Variants in USP13 observed in about 807,000 individuals in gnomAD.
USP13 encodes the protein ubiquitin specific peptidase 13.
In USP13, 68 loss-of-function variants were observed where a neutral mutation model predicts 107.8. That is an observed-to-expected ratio of 0.63 (90% CI 0.52 to 0.77). The LOEUF is 0.77. USP13 is among the 30% of genes least tolerant of loss of function. The probability of loss-of-function intolerance (pLI) is 0.00; values close to 1 mark genes in which losing one functional copy is unlikely to be tolerated. For synonymous variants in USP13, 377 were observed against 389.5 expected, an observed-to-expected ratio of 0.97 and a Z score of 0.38; for missense variants, 945 against 1,093.3, an observed-to-expected ratio of 0.86 and a Z score of 1.91.
intron 7 of USP13, 32 bp downstream of exon 7, chr3:179,720,066 T>C: frequency 6.3e-7 from 1 of 1,576,238 alleles, no homozygotes; most frequent in Non-Finnish European, 8.7e-7. Context: ...GTTTCCATCT[T>C]GCATGGGGTA....
intron 13 of USP13, 131 bp downstream of exon 13, chr3:179,745,348 G>A: frequency 8.7e-7 from 1 of 1,143,004 alleles, no homozygotes; most frequent in Non-Finnish European, 1.2e-6. Context: ...ATGGGATTAT[G>A]GTTCACACAC....
intron 16 of USP13, among the ~76,000 whole-genome samples, chr3:179,760,830 A>T (rs1414057221): frequency 6.6e-6 from 1 of 152,174 alleles, no homozygotes; most frequent in African/African-American, 2.4e-5. Context: ...CGTTCTGGGA[A>T]TACACTAAAT....
intron 3 of USP13, among the ~76,000 whole-genome samples, chr3:179,694,337 A>G (rs1453262329): frequency 1.3e-5 from 2 of 152,130 alleles, no homozygotes; most frequent in Non-Finnish European, 2.9e-5. Flanking sequence ...ATGTTGGGAA[A>G]CAGTAAGTGT....
chr3:179,753,504 G>A (rs1226192998), intron 14 of USP13, among the ~76,000 whole-genome samples: 1 of 152,140 alleles, frequency 6.6e-6, no homozygotes, highest in Non-Finnish European at 1.5e-5. Flanking sequence ...TTTGTCCTTG[G>A]AATTTCTGTA....
Position 179,653,614 on chromosome 3 carries a change from G to T in USP13, c.168+221G>T, listed in dbSNP as rs1331813530. 5.1e-6 allele frequency: 3 copies of T among 591,868 alleles called. No individual in the cohort carries two copies. Among genetic ancestry groups the T allele is most frequent in the Non-Finnish European group, 8.5e-6 (3 of 351,544 alleles). 36.7% of individuals were successfully genotyped at this position (591,868 alleles called of 1,614,324 possible). A position where few individuals can be genotyped will look rare whatever the true frequency, so the allele number is the denominator to read the frequency against. ...TGGTTTTGCTCCGCCAGCCTCCCCAGGCTGGAAGGGCCCGATTCCCAGCAG... is the reference window on the plus strand; with the variant it reads ...TGGTTTTGCTCCGCCAGCCTCCCCATGCTGGAAGGGCCCGATTCCCAGCAG... On this transcript the variant is annotated intron_variant, in intron 1 of 20. Transcript: ENST00000263966. The surrounding 1 kb of genome is among the most constrained non-coding windows in gnomAD (Gnocchi z 4.0).
chr3:179,709,045 A>G (rs1439924809), intron 6 of USP13, 88 bp downstream of exon 6: 6 of 1,463,554 alleles, frequency 4.1e-6, no homozygotes, highest in South Asian at 4.1e-5. Flanking sequence ...TGGAAGGTGC[A>G]GGCTCTGGAT....
rs1333558391 is a variant in USP13 at position 179,754,782 on chromosome 3, A to AG, written c.1854dup (p.Leu619ValfsTer19). 1.2e-6 allele frequency: 2 copies of AG among 1,613,442 alleles called. No homozygotes were observed. Among genetic ancestry groups the AG allele is most frequent in the Non-Finnish European group, 1.7e-6 (2 of 1,179,790 alleles). On this transcript the variant is annotated frameshift_variant, in exon 15 of 21. Transcript: ENST00000263966. LOFTEE classifies it high-confidence loss of function. ...ACTTGATATCAACCATCTCCGAGCC[A>AG]GGGGGTTACAGCCAGGAGAGGAAGA...
At chr3:179,715,367 C>CTT (rs71182513) in intron 6 of USP13, among the ~76,000 whole-genome samples, 46,370 of 135,590 alleles carry the variant, frequency 0.34, 10,028 homozygotes, top group Non-Finnish European at 0.46. Flanking sequence ...ATTTTTCTTT[C>CTT]TTTTTTTTTT....
At chr3:179,720,426 G>A (rs1713269954) in intron 7 of USP13, among the ~76,000 whole-genome samples, 1 of 152,220 alleles carries the variant, frequency 6.6e-6, no homozygotes, top group Non-Finnish European at 1.5e-5. Context: ...GGGAAGCAAA[G>A]CTCCTAGGGG....
At chr3:179,771,184 T>A (rs1173391509) in intron 19 of USP13, among the ~76,000 whole-genome samples, 1 of 152,168 alleles carries the variant, frequency 6.6e-6, no homozygotes, top group Non-Finnish European at 1.5e-5. Context: ...AGGCTCTCCC[T>A]AATGGCACAA....
At chr3:179,735,131 C>T (rs1713949100) in intron 10 of USP13, among the ~76,000 whole-genome samples, 1 of 152,178 alleles carries the variant, frequency 6.6e-6, no homozygotes, top group Admixed American at 6.5e-5. Context: ...TTGGTGACTT[C>T]CTGGGTCTCT....
chr3:179,697,045 G>A (rs1432033033), intron 3 of USP13, among the ~76,000 whole-genome samples: 1 of 152,096 alleles, frequency 6.6e-6, no homozygotes, highest in Non-Finnish European at 1.5e-5. Context: ...TCACAAATAG[G>A]TGTAAAGGAG....
At chr3:179,663,849 G>A (rs1380892515) in intron 1 of USP13, among the ~76,000 whole-genome samples, 2 of 152,154 alleles carry the variant, frequency 1.3e-5, no homozygotes, top group Admixed American at 1.3e-4. Flanking sequence ...GGCCTGGAAT[G>A]CATTCTCTCA....
At chr3:179,730,857 A>G (rs1314303120) in intron 10 of USP13, 148 bp downstream of exon 10, 1 of 651,744 alleles carries the variant, frequency 1.5e-6, no homozygotes, top group East Asian at 2.8e-5. Context: ...GCCTGTCTGT[A>G]TGCTCTTAAA....
In USP13 at chr3:179,788,265, T is replaced by C. The variant is rs1431495541; in HGVS notation, c.*4124T>C. On this transcript the variant is annotated 3_prime_UTR_variant, in exon 21 of 21. Coordinates refer to ENST00000263966, the MANE Select transcript of USP13 (RefSeq NM_003940.3). Reference sequence around the variant, plus strand: ...GATGGGATTAGATAAAGTGTGATAATGTCCTTTAGATAAAAGAAATCCTAC... The same window carrying C: ...GATGGGATTAGATAAAGTGTGATAACGTCCTTTAGATAAAAGAAATCCTAC... The C allele has an allele frequency of 6.6e-6, 1 of 152,286 alleles. No homozygotes were observed. Among genetic ancestry groups the C allele is most frequent in the Non-Finnish European group, 1.5e-5 (1 of 68,066 alleles). 9.4% of individuals were successfully genotyped at this position (152,286 alleles called of 1,614,324 possible).
chr3:179,718,833 T>G (rs1713198791), intron 6 of USP13, among the ~76,000 whole-genome samples: 1 of 152,098 alleles, frequency 6.6e-6, no homozygotes, highest in Non-Finnish European at 1.5e-5. Context: ...CTTGGGTCAC[T>G]GCAAGCTTCG....
chr3:179,746,917 G>A (rs899448834), intron 13 of USP13, among the ~76,000 whole-genome samples: 4 of 152,196 alleles, frequency 2.6e-5, no homozygotes, highest in Non-Finnish European at 5.9e-5. Flanking sequence ...CTTCTGCTAT[G>A]TTTCAGATTG....
chr3:179,741,195 G>A (rs960234607), intron 11 of USP13, among the ~76,000 whole-genome samples: 4 of 151,282 alleles, frequency 2.6e-5, no homozygotes, highest in Non-Finnish European at 4.4e-5. Context: ...AGTGTTTTTT[G>A]TTTGTTTGTT....
intron 6 of USP13, among the ~76,000 whole-genome samples, chr3:179,717,843 A>G: frequency 6.6e-6 from 1 of 152,194 alleles, no homozygotes; most frequent in Admixed American, 6.5e-5. Context: ...GCTTTTGAGA[A>G]TGCTGAATTA....
Sources: allele counts gnomAD v4.1 joint callset (sites outside exome capture counted in the v4.1 genomes callset), GRCh38; gene constraint gnomAD v4.1.1; non-coding constraint Gnocchi (gnomAD v3.1); transcripts MANE v1.5; gene names NCBI Gene and HGNC (gene_info 2026-07-23, HGNC 2026-07-21).